Variants in PAX3 observed in about 807,000 individuals in gnomAD.
The protein encoded by PAX3 is paired box protein Pax-3.
Under a neutral mutation model 51.6 loss-of-function variants are expected in PAX3, and 14 were observed. That is an observed-to-expected ratio of 0.27 (90% confidence interval 0.18 to 0.42). The LOEUF is 0.42. Among genes scored for constraint, PAX3 ranks in the 10% least tolerant of loss-of-function variants. The pLI is 1.00. For missense variants in PAX3, 540 were observed against 642.8 expected (o/e 0.84, Z 1.73); for synonymous variants, 280 against 253.4 (o/e 1.11, Z -1.00).
chr2:222,259,332 T>C (rs1000520629), intron 4 of PAX3, among the ~76,000 whole-genome samples: 3 of 152,228 alleles, frequency 2.0e-5, no homozygotes, highest in African/African-American at 4.8e-5. Context: ...TGGAATCATA[T>C]GACATTAAAG....
At chr2:222,285,828 T>A (rs1261608453) in intron 4 of PAX3, among the ~76,000 whole-genome samples, 5 of 152,262 alleles carry the variant, frequency 3.3e-5, no homozygotes, top group Admixed American at 3.3e-4. Flanking sequence ...AAATTATCCA[T>A]ATGATCCTGT....
At chr2:222,229,964 G>A (rs930895930) in intron 5 of PAX3, among the ~76,000 whole-genome samples, 5 of 151,972 alleles carry the variant, frequency 3.3e-5, no homozygotes, top group Admixed American at 1.3e-4. Context: ...CAAGTGGATC[G>A]CTTGCACCTG....
chr2:222,234,147 T>C (rs562624038), intron 4 of PAX3, among the ~76,000 whole-genome samples: 31 of 152,298 alleles, frequency 2.0e-4, no homozygotes, highest in African/African-American at 7.0e-4. Flanking sequence ...CTAAATATTA[T>C]GAAACTAAGA....
intron 7 of PAX3, among the ~76,000 whole-genome samples, chr2:222,207,779 T>C (rs1691568444): frequency 6.6e-6 from 1 of 152,134 alleles, no homozygotes. Context: ...AAAATATAAA[T>C]CTAGACAGAG....
chr2:222,298,372 G>C (rs2106207246), intron 1 of PAX3, 159 bp downstream of exon 1: 3 of 635,408 alleles, frequency 4.7e-6, no homozygotes, highest in East Asian at 2.7e-5. Context: ...AAAGGAAATC[G>C]AGTAGGTCCT....
At chr2:222,283,821 G>A (rs1694732237) in intron 4 of PAX3, among the ~76,000 whole-genome samples, 1 of 152,386 alleles carries the variant, frequency 6.6e-6, no homozygotes, top group African/African-American at 2.4e-5. Flanking sequence ...TTTGGAGACA[G>A]GTCAGACCAG....
At chr2:222,203,730 G>A (rs1691397550) in intron 7 of PAX3, among the ~76,000 whole-genome samples, 3 of 152,074 alleles carry the variant, frequency 2.0e-5, no homozygotes, top group African/African-American at 7.2e-5. Context: ...CTTTGGGAAG[G>A]GTTTGCATAA....
intron 4 of PAX3, among the ~76,000 whole-genome samples, chr2:222,273,194 T>C (rs962518595): frequency 6.6e-6 from 1 of 152,224 alleles, no homozygotes; most frequent in African/African-American, 2.4e-5. Flanking sequence ...CCTGAATTAA[T>C]AAACAAAATA....
intron 4 of PAX3, among the ~76,000 whole-genome samples, chr2:222,270,292 G>A (rs45538235): frequency 0.099 from 15,060 of 152,182 alleles, 804 homozygotes; most frequent in South Asian, 0.14. Context: ...AAACTGAACC[G>A]TTGGCCTCCT....
intron 7 of PAX3, among the ~76,000 whole-genome samples, chr2:222,203,508 A>C (rs902652757): frequency 6.6e-6 from 1 of 152,130 alleles, no homozygotes; most frequent in Non-Finnish European, 1.5e-5. Context: ...AAATAAGAGA[A>C]AGAGGAGAGG....
At chr2:222,283,128 T>A (rs574646286) in intron 4 of PAX3, among the ~76,000 whole-genome samples, 1 of 152,190 alleles carries the variant, frequency 6.6e-6, no homozygotes, top group South Asian at 2.1e-4. Context: ...GTGTGCCAAA[T>A]GGTGCTGTCA....
At chr2:222,209,789 G>A (rs1276663445) in intron 7 of PAX3, among the ~76,000 whole-genome samples, 6 of 146,548 alleles carry the variant, frequency 4.1e-5, no homozygotes, top group Admixed American at 7.0e-5. Context: ...CTACTGGGGG[G>A]CTAAGGTAAG....
At chr2:222,288,108 T>G (rs531922106) in intron 4 of PAX3, among the ~76,000 whole-genome samples, 14 of 152,192 alleles carry the variant, frequency 9.2e-5, no homozygotes, top group East Asian at 1.9e-4. Flanking sequence ...GAAAAACCTA[T>G]GCAAATATAT....
chr2:222,211,456 C>T (rs1322524363), intron 7 of PAX3, among the ~76,000 whole-genome samples: 1 of 152,126 alleles, frequency 6.6e-6, no homozygotes, highest in Non-Finnish European at 1.5e-5. Flanking sequence ...TCCTTTACCC[C>T]CTTATCTGCC....
At chr2:222,285,387 G>C (rs1417692673) in intron 4 of PAX3, among the ~76,000 whole-genome samples, 2 of 152,244 alleles carry the variant, frequency 1.3e-5, no homozygotes, top group Admixed American at 6.5e-5. Context: ...CCAATGAACT[G>C]GGTAAGAACC....
chr2:222,248,490 C>A (rs1693308716), intron 4 of PAX3, among the ~76,000 whole-genome samples: 1 of 152,230 alleles, frequency 6.6e-6, no homozygotes, highest in Admixed American at 6.5e-5. Flanking sequence ...GCATTTTGTA[C>A]TTTCCATACA....
Position 222,293,676 on chromosome 2 carries a change from A to G in PAX3, c.586+491T>C, listed in dbSNP as rs375765093. ...TTTATAAGGCAGCCAATGTGGGGGCAATTTTGGAGGGCCGTTGCCCAAAAG... is the reference window on the plus strand; with the variant it reads ...TTTATAAGGCAGCCAATGTGGGGGCGATTTTGGAGGGCCGTTGCCCAAAAG... On this transcript the variant is annotated intron_variant, in intron 4 of 8. Transcript: ENST00000392070. 327 of 1,614,130 alleles carry G rather than the reference A, an allele frequency of 2.0e-4. 3 individuals carry two copies. Among genetic ancestry groups the G allele is most frequent in the South Asian group, 1.6e-3 (148 of 91,076 alleles).
At chr2:222,226,227 C>T (rs1692380156) in intron 5 of PAX3, among the ~76,000 whole-genome samples, 1 of 152,194 alleles carries the variant, frequency 6.6e-6, no homozygotes, top group African/African-American at 2.4e-5. Context: ...ATGTCGAATG[C>T]TGACATGCCA....
At chr2:222,261,601 C>CAA (rs61534527) in intron 4 of PAX3, among the ~76,000 whole-genome samples, 2 of 109,154 alleles carry the variant, frequency 1.8e-5, no homozygotes, top group African/African-American at 3.5e-5. Flanking sequence ...ACAACAACAA[C>CAA]AAAAAAAAAA....
Sources: gnomAD v4.1 joint callset for allele counts (sites outside exome capture counted in the v4.1 genomes callset) on GRCh38, gnomAD v4.1.1 for gene constraint, MANE v1.5 for transcripts, NCBI Gene and HGNC (gene_info 2026-07-23, HGNC 2026-07-21) for gene names.